SLC16A1: variants seen among roughly 807,000 people sequenced by gnomAD.
The protein encoded by SLC16A1 is monocarboxylate transporter 1.
Under a neutral mutation model 32.2 loss-of-function variants are expected in SLC16A1, and 11 were observed. The ratio of observed to expected loss-of-function variants is 0.34; its 90% CI spans 0.21 to 0.56. The LOEUF is 0.56. Ranked by LOEUF, SLC16A1 falls within the 20% of genes least tolerant of loss-of-function variation. SLC16A1 has a pLI of 0.87. For missense variants in SLC16A1, 435 were observed against 615.0 expected (o/e 0.71, Z 3.10); for synonymous variants, 231 against 226.8 (o/e 1.02, Z -0.17).
intron 1 of SLC16A1, among the ~76,000 whole-genome samples, chr1:112,941,681 T>C (rs1458336132): frequency 6.6e-6 from 1 of 152,238 alleles, no homozygotes; most frequent in East Asian, 1.9e-4. Flanking sequence ...AAGCTCGCAA[T>C]GCACACTTGT....
At chr1:112,923,904 T>G in intron 2 of SLC16A1, 1 of 1,525,074 alleles carries the variant, frequency 6.6e-7, no homozygotes, top group Non-Finnish European at 9.1e-7. Context: ...GCTCTTCCCC[T>G]GCCTCAGGCA....
Position 112,917,487 on chromosome 1 carries a change from A to G in SLC16A1, c.919T>C (p.Phe307Leu). ...GATGGTCGGGCTACCATGTCAACAA[A>G]AGCCAGAATGGAAAGAAGGAAGGCA... ...KSAFLLSILA[F>L]VDMVARPSMG... The change falls in exon 4 of 5, where the codon TTT (phenylalanine) becomes CTT (leucine). Residue 307 changes from phenylalanine (F) to leucine (L), a missense_variant. Transcript: ENST00000369626. This position sits in a 1 kb window ranked among gnomAD's most constrained non-coding sequence, Gnocchi z 4.1. The G allele has an allele frequency of 6.2e-7, 1 of 1,614,206 alleles. No homozygotes were observed. Among genetic ancestry groups the G allele is most frequent in the Non-Finnish European group, 8.5e-7 (1 of 1,180,042 alleles).
chr1:112,942,181 A>G (rs911381525), intron 1 of SLC16A1, among the ~76,000 whole-genome samples: 1 of 152,174 alleles, frequency 6.6e-6, no homozygotes, highest in African/African-American at 2.4e-5. Context: ...CATGACGGCC[A>G]GGCTGGTCTC....
At position 112,917,123 on chromosome 1, in the gene SLC16A1, C is replaced by A. The variant is rs145183086; in HGVS notation, c.1228+55G>T. 1.4e-4 allele frequency: 220 copies of A among 1,610,580 alleles called. 1 individual carries two copies. The East Asian group carries it at 4.8e-3, about 35-fold the overall frequency. On this transcript the variant is annotated intron_variant, in intron 4 of 4. Coordinates refer to ENST00000369626, the MANE Select transcript of SLC16A1 (RefSeq NM_003051.4). This position sits in a 1 kb window ranked among gnomAD's most constrained non-coding sequence, Gnocchi z 4.1. Reference sequence around the variant, plus strand: ...AATGTTTGCTTTCTGTCAGCATTCCCATCTTACATGCTTGTTTTGTAATAG... The same window carrying A: ...AATGTTTGCTTTCTGTCAGCATTCCAATCTTACATGCTTGTTTTGTAATAG...
intron 1 of SLC16A1, among the ~76,000 whole-genome samples, chr1:112,936,828 A>T (rs1649325373): frequency 6.6e-6 from 1 of 152,234 alleles, no homozygotes; most frequent in Non-Finnish European, 1.5e-5. Flanking sequence ...GGATGTGCAG[A>T]ATAATTCCTT....
In SLC16A1 at chr1:112,929,021, T is replaced by TA. The variant is rs397824402; in HGVS notation, c.217+70dup. 16 of 1,071,746 alleles carry TA rather than the reference T, an allele frequency of 1.5e-5. No individual in the cohort carries two copies. The African/African-American group carries it at 2.1e-4, about 14-fold the overall frequency. The allele number at this position is 1,071,746 out of a possible 1,614,324, so 66.4% of individuals were successfully genotyped here. A position where few individuals can be genotyped will look rare whatever the true frequency, so the allele number is the denominator to read the frequency against. Reference sequence around the variant, plus strand: ...ACTGAATAAGACTTTTTTTTTTTTTTAAAGTTACCTAATACAGACACTCTG... The same window carrying TA: ...ACTGAATAAGACTTTTTTTTTTTTTTAAAAGTTACCTAATACAGACACTCTG... On this transcript the variant is annotated intron_variant, in intron 2 of 4. Coordinates refer to ENST00000369626, the MANE Select transcript of SLC16A1 (RefSeq NM_003051.4).
intron 2 of SLC16A1, among the ~76,000 whole-genome samples, chr1:112,926,666 G>A (rs775537680): frequency 6.6e-6 from 1 of 152,118 alleles, no homozygotes; most frequent in African/African-American, 2.4e-5. Context: ...TTGAGCCTAG[G>A]AGTTCAAGAC....
chr1:112,917,738 T>C lies in SLC16A1; in HGVS notation c.668A>G (p.Lys223Arg). Residue 223 changes from lysine (K) to arginine (R), a missense_variant, in exon 4 of 5, where the codon AAA (lysine) becomes AGA (arginine). Coordinates refer to ENST00000369626, the MANE Select transcript of SLC16A1 (RefSeq NM_003051.4). The surrounding 1 kb of genome is among the most constrained non-coding windows in gnomAD (Gnocchi z 4.1). Reference protein sequence around the residue: ...SLEKAGKSGVKKDLHDANTDL... With the variant: ...SLEKAGKSGVRKDLHDANTDL... ...TGTATTTGCATCATGCAGATCTTTT[T>C]TCACACCAGATTTTCCAGCTTTCTC... The C allele has an allele frequency of 1.2e-6, 2 of 1,614,258 alleles. No individual in the cohort carries two copies. The highest frequency in any genetic ancestry group is 1.7e-6 in the Non-Finnish European group (2 of 1,180,042).
chr1:112,926,170 T>C (rs2101630658), intron 2 of SLC16A1, among the ~76,000 whole-genome samples: 2 of 152,336 alleles, frequency 1.3e-5, no homozygotes, highest in Middle Eastern at 3.4e-3. Context: ...TCTCTTTCCA[T>C]CTCCATCCAT....
chr1:112,952,395 T>C (rs923558238), intron 1 of SLC16A1, among the ~76,000 whole-genome samples: 1 of 152,182 alleles, frequency 6.6e-6, no homozygotes, highest in Non-Finnish European at 1.5e-5. Context: ...AGGGAACCTA[T>C]AGATTAAAAA....
chr1:112,914,029 G>T lies in SLC16A1; in HGVS notation c.1365C>A (p.Asn455Lys), dbSNP rs142145546. 4 of 1,614,020 alleles carry T rather than the reference G, an allele frequency of 2.5e-6. No homozygotes were observed. The highest frequency in any genetic ancestry group is 3.4e-6 in the Non-Finnish European group (4 of 1,180,006). The change falls in exon 5 of 5, where the codon AAC becomes AAA. Residue 455 changes from asparagine to lysine, a missense_variant. Transcript: ENST00000369626. ...CCTCTTTACTTTCCTTTTTCTGCTC[G>T]TTTGCTTTCTGTTCTTTTGCCAAAA... ...YRLLAKEQKA[N>K]EQKKESKEEE...
At chr1:112,918,674 G>A (rs1648604968) in intron 3 of SLC16A1, among the ~76,000 whole-genome samples, 1 of 152,124 alleles carries the variant, frequency 6.6e-6, no homozygotes, top group Admixed American at 6.6e-5. Flanking sequence ...ATGGTAGTGT[G>A]TGCCTGCAGT....
At chr1:112,941,931 C>A (rs780545941) in intron 1 of SLC16A1, among the ~76,000 whole-genome samples, 1 of 152,090 alleles carries the variant, frequency 6.6e-6, no homozygotes, top group Non-Finnish European at 1.5e-5. Flanking sequence ...TAATTTCCAG[C>A]CTTTCTGACA....
chr1:112,913,859 A>T lies in SLC16A1; in HGVS notation c.*32T>A. On this transcript the variant is annotated 3_prime_UTR_variant, in exon 5 of 5. Coordinates refer to ENST00000369626, the MANE Select transcript of SLC16A1 (RefSeq NM_003051.4). ...ATATTTTCAGATATCCTGGGTCATG[A>T]ACTGCTCAATTTACCCTTCAGCCCC... The T allele has an allele frequency of 6.2e-7, 1 of 1,613,720 alleles. No homozygotes were observed.
At position 112,932,793 on chromosome 1, in the gene SLC16A1, C is replaced by CAAAA. The variant is rs34232032; in HGVS notation, c.-44-3445_-44-3442dup. On this transcript the variant is annotated intron_variant, in intron 1 of 4. Coordinates refer to ENST00000369626, the MANE Select transcript of SLC16A1 (RefSeq NM_003051.4). ...TGGGTGACAAGGGGAGACTCCGTCGCAAAAAAAAAAAAAAAAAAAGGCCTG... is the reference window on the plus strand; with the variant it reads ...TGGGTGACAAGGGGAGACTCCGTCGCAAAAAAAAAAAAAAAAAAAAAAAGGCCTG... Among the ~76,000 whole-genome samples, 55 of 57,046 alleles carry CAAAA rather than the reference C, an allele frequency of 9.6e-4. 1 individual carries two copies. Among genetic ancestry groups the CAAAA allele is most frequent in the African/African-American group, 3.1e-3 (44 of 14,320 alleles). 37.4% of individuals were successfully genotyped at this position (57,046 alleles called of 152,430 possible).
At chr1:112,941,887 AGAG>A (rs1055251337) in intron 1 of SLC16A1, among the ~76,000 whole-genome samples, 1 of 152,172 alleles carries the variant, frequency 6.6e-6, no homozygotes, top group African/African-American at 2.4e-5. Flanking sequence ...AAGGAGGTTG[AGAG>A]GAGGGTTTCT....
At chr1:112,954,338 A>G (rs996078485) in intron 1 of SLC16A1, among the ~76,000 whole-genome samples, 6 of 152,226 alleles carry the variant, frequency 3.9e-5, no homozygotes, top group African/African-American at 1.4e-4. Context: ...TCTAACAAAA[A>G]TGAGTCCAAA....
At chr1:112,948,300 T>C (rs376821632) in intron 1 of SLC16A1, among the ~76,000 whole-genome samples, 1 of 152,084 alleles carries the variant, frequency 6.6e-6, no homozygotes, top group Admixed American at 6.5e-5. Flanking sequence ...TCTCAAATGT[T>C]TACTTGCAAA....
chr1:112,921,699 C>T (rs1424846799), intron 3 of SLC16A1, among the ~76,000 whole-genome samples: 1 of 152,140 alleles, frequency 6.6e-6, no homozygotes, highest in Admixed American at 6.5e-5. Context: ...ACTCTCGCAC[C>T]AAGTTGCCAC....
Sources: allele counts gnomAD v4.1 joint callset (sites outside exome capture counted in the v4.1 genomes callset), GRCh38; gene constraint gnomAD v4.1.1; non-coding constraint Gnocchi (gnomAD v3.1); transcripts MANE v1.5; gene names NCBI Gene and HGNC (gene_info 2026-07-23, HGNC 2026-07-21).